The following MYO3B variants were observed in gnomAD, a reference collection of about 807,000 sequenced individuals.
The protein encoded by MYO3B is myosin IIIB.
MYO3B carries 156 observed loss-of-function variants against 174.6 expected under a neutral mutation model. The observed-to-expected ratio is 0.89, with a 90% CI of 0.78 to 1.02. The LOEUF (loss-of-function observed/expected upper bound fraction) is 1.02. Among genes scored for constraint, MYO3B ranks in the 50% least tolerant of loss-of-function variants. MYO3B has a pLI of 0.00. For missense variants in MYO3B, 1,632 were observed against 1,639.4 expected (o/e 1.00, Z 0.08); for synonymous variants, 563 against 569.1 (o/e 0.99, Z 0.15).
chr2:170,638,412 G>T (rs1482094354), intron 32 of MYO3B, among the ~76,000 whole-genome samples: 1 of 152,160 alleles, frequency 6.6e-6, no homozygotes, highest in African/African-American at 2.4e-5. Flanking sequence ...ATGTTAGAAT[G>T]AAATTCTGGT....
chr2:170,346,216 C>A (rs1262800402), intron 8 of MYO3B: 1 of 152,186 alleles, frequency 6.6e-6, no homozygotes. Context: ...AATCCTCAGC[C>A]CATGGTTCTC....
At chr2:170,223,776 G>A (rs2092924999) in intron 6 of MYO3B, among the ~76,000 whole-genome samples, 1 of 152,204 alleles carries the variant, frequency 6.6e-6, no homozygotes, top group Admixed American at 6.5e-5. Flanking sequence ...CTCAGTGTTT[G>A]TAAGTGACTG....
intron 6 of MYO3B, among the ~76,000 whole-genome samples, chr2:170,224,349 A>T (rs547942915): frequency 1.4e-4 from 21 of 152,204 alleles, no homozygotes; most frequent in Non-Finnish European, 3.1e-4. Context: ...TTCAGAGAGC[A>T]TGGGAATGCA....
chr2:170,548,538 G>A (rs565707675), intron 32 of MYO3B, among the ~76,000 whole-genome samples: 3 of 152,290 alleles, frequency 2.0e-5, no homozygotes, highest in African/African-American at 7.2e-5. Flanking sequence ...GAGTGGGAGA[G>A]TGGCATGATC....
At chr2:170,499,499 A>T in intron 26 of MYO3B, 147 bp from the exon 27 acceptor site, 1 of 722,896 alleles carries the variant, frequency 1.4e-6, no homozygotes, top group South Asian at 2.0e-5. Flanking sequence ...ATTTACCTCC[A>T]TGAAGTCAGT....
chr2:170,367,887 C>A (rs2094210596), intron 8 of MYO3B, among the ~76,000 whole-genome samples: 1 of 152,118 alleles, frequency 6.6e-6, no homozygotes. Context: ...TATTTATAGT[C>A]CTGCAAGCAG....
chr2:170,632,996 A>G (rs1266529611), intron 32 of MYO3B, among the ~76,000 whole-genome samples: 1 of 152,192 alleles, frequency 6.6e-6, no homozygotes, highest in African/African-American at 2.4e-5. Flanking sequence ...ACCAACCAAA[A>G]AAAGTCCAGG....
At chr2:170,187,424 G>A (rs987637117) in intron 1 of MYO3B, among the ~76,000 whole-genome samples, 1 of 151,994 alleles carries the variant, frequency 6.6e-6, no homozygotes, top group Non-Finnish European at 1.5e-5. Flanking sequence ...TAGAGATGAG[G>A]TTTCACCATG....
chr2:170,229,353 T>A (rs538416722), intron 6 of MYO3B, among the ~76,000 whole-genome samples: 1 of 152,330 alleles, frequency 6.6e-6, no homozygotes, highest in African/African-American at 2.4e-5. Context: ...CTTATTTAGC[T>A]GAATGTAGCT....
chr2:170,306,064 T>A lies in MYO3B; in HGVS notation c.750-29321T>A, dbSNP rs554650417. Among the ~76,000 whole-genome samples, 9 of 152,312 alleles carry A rather than the reference T, an allele frequency of 5.9e-5. No homozygotes were observed. In the South Asian group the frequency reaches 1.7e-3, roughly 28 times the overall value. On this transcript the variant is annotated intron_variant, in intron 7 of 34. Coordinates refer to ENST00000408978, the MANE Select transcript of MYO3B (RefSeq NM_138995.5). ...CCAGTCTACTGGGTCCATGGTGGTT[T>A]CACTCATATGCCTGGGTGCCTTTGG...
intron 22 of MYO3B, among the ~76,000 whole-genome samples, chr2:170,419,862 G>T (rs1430198676): frequency 6.6e-6 from 1 of 152,060 alleles, no homozygotes; most frequent in Non-Finnish European, 1.5e-5. Flanking sequence ...AAAAAGCTGC[G>T]AATTGATGTA....
Position 170,601,742 on chromosome 2 carries a change from G to A in MYO3B, c.3734-49886G>A, listed in dbSNP as rs766971739. 9.0e-5 allele frequency: 134 copies of A among 1,492,660 alleles called. 1 individual carries two copies. Among genetic ancestry groups the A allele is most frequent in the Non-Finnish European group, 1.2e-4 (133 of 1,080,274 alleles). 92.5% of individuals were successfully genotyped at this position (1,492,660 alleles called of 1,614,324 possible). A position where few individuals can be genotyped will look rare whatever the true frequency, so the allele number is the denominator to read the frequency against. ...GCTGCATCAGGCTTTCCTTTAGCTC[G>A]ATATGTAGCTGTATCCTTTTTGTAT... On this transcript the variant is annotated intron_variant, in intron 32 of 34. Coordinates refer to ENST00000408978, the MANE Select transcript of MYO3B (RefSeq NM_138995.5).
At chr2:170,562,040 TA>T (rs1271112525) in intron 32 of MYO3B, among the ~76,000 whole-genome samples, 1 of 152,218 alleles carries the variant, frequency 6.6e-6, no homozygotes, top group African/African-American at 2.4e-5. Flanking sequence ...GTTTTTGATT[TA>T]AAAAATTACT....
intron 3 of MYO3B, among the ~76,000 whole-genome samples, chr2:170,212,202 C>T (rs1338158068): frequency 3.3e-5 from 5 of 151,054 alleles, no homozygotes; most frequent in African/African-American, 9.8e-5. Flanking sequence ...AAGATGGCGC[C>T]ACTGCACTCC....
rs1559318980 is a variant in MYO3B at position 170,230,365 on chromosome 2, T to TTTGGA, written c.604-5626_604-5625insTTGGA. On this transcript the variant is annotated intron_variant, in intron 6 of 34. Coordinates refer to ENST00000408978, the MANE Select transcript of MYO3B (RefSeq NM_138995.5). ...TTTTTTTTTTTTTTTTTTTTTTTAG[T>TTTGGA]AGAGACGGGGTTTCACCATGTTGGT... is the stretch of plus-strand genomic sequence containing the variant. 4.5e-4 allele frequency among the ~76,000 whole-genome samples: 64 copies of TTTGGA among 140,852 alleles called. 5 individuals carry two copies. Among genetic ancestry groups the TTTGGA allele is most frequent in the African/African-American group, 1.8e-3 (63 of 34,612 alleles). 92.4% of individuals were successfully genotyped at this position (140,852 alleles called of 152,430 possible).
At chr2:170,246,912 G>A (rs909636208) in intron 7 of MYO3B, among the ~76,000 whole-genome samples, 1 of 152,148 alleles carries the variant, frequency 6.6e-6, no homozygotes, top group African/African-American at 2.4e-5. Flanking sequence ...GGGTATAGGA[G>A]TTAGATTGGC....
intron 22 of MYO3B, among the ~76,000 whole-genome samples, chr2:170,434,445 A>G (rs62170676): frequency 0.11 from 16,206 of 152,238 alleles, 949 homozygotes; most frequent in Middle Eastern, 0.18. Flanking sequence ...AGGGAGGGGA[A>G]GGGGTTCTTA....
intron 7 of MYO3B, among the ~76,000 whole-genome samples, chr2:170,259,759 T>C (rs1384305721): frequency 6.6e-6 from 1 of 151,954 alleles, no homozygotes; most frequent in African/African-American, 2.4e-5. Flanking sequence ...CATAGCAAAA[T>C]AAAATATCAA....
chr2:170,180,161 G>A (rs765048354), intron 1 of MYO3B: 33 of 446,752 alleles, frequency 7.4e-5, no homozygotes, highest in Non-Finnish European at 4.5e-6. Flanking sequence ...GCATGCTGCA[G>A]AGTGCTTTAC....
Sources: gnomAD v4.1 joint callset for allele counts (sites outside exome capture counted in the v4.1 genomes callset) on GRCh38, gnomAD v4.1.1 for gene constraint, MANE v1.5 for transcripts, NCBI Gene and HGNC (gene_info 2026-07-23, HGNC 2026-07-21) for gene names.